Variants in TRDN observed in about 807,000 individuals in gnomAD.
TRDN encodes triadin, also known as triadin in skeletal muscle.
A neutral mutation model predicts 149.7 loss-of-function variants in TRDN; 161 were observed. The observed-to-expected ratio is 1.08, with a 90% CI of 0.95 to 1.23. The LOEUF is 1.23. Among genes scored for constraint, TRDN ranks in the 50% most tolerant of loss-of-function variants. The pLI is 0.00. For synonymous variants in TRDN, 294 were observed against 250.5 expected (o/e 1.17, Z -1.64); for missense variants, 896 against 823.5 (o/e 1.09, Z -1.08).
chr6:123,342,029 A>G (rs1014481573), intron 21 of TRDN, among the ~76,000 whole-genome samples: 1 of 151,932 alleles, frequency 6.6e-6, no homozygotes, highest in Admixed American at 6.6e-5. Flanking sequence ...TTCTGGTTCA[A>G]TTTCATAATT....
intron 21 of TRDN, among the ~76,000 whole-genome samples, chr6:123,341,447 A>G (rs961912194): frequency 6.6e-6 from 1 of 151,892 alleles, no homozygotes; most frequent in African/African-American, 2.4e-5. Context: ...AATTATATCT[A>G]TGCATTGCTA....
chr6:123,333,783 A>G (rs1475411426), intron 22 of TRDN, among the ~76,000 whole-genome samples: 2 of 152,094 alleles, frequency 1.3e-5, no homozygotes, highest in Non-Finnish European at 2.9e-5. Context: ...TTTTCAGCTT[A>G]TCTATCTTGT....
chr6:123,473,960 G>C (rs570360071), intron 9 of TRDN, among the ~76,000 whole-genome samples: 1 of 152,118 alleles, frequency 6.6e-6, no homozygotes, highest in Non-Finnish European at 1.5e-5. Context: ...AATATGGAAA[G>C]GAACAACCAG....
chr6:123,227,696 C>T (rs1401940639), intron 38 of TRDN, among the ~76,000 whole-genome samples: 1 of 151,846 alleles, frequency 6.6e-6, no homozygotes, highest in Non-Finnish European at 1.5e-5. Context: ...TGATCCTGAA[C>T]AACAACCATA....
intron 22 of TRDN, among the ~76,000 whole-genome samples, chr6:123,332,494 T>G (rs1327578614): frequency 1.3e-5 from 2 of 152,010 alleles, no homozygotes; most frequent in African/African-American, 2.4e-5. Context: ...TTGAAGTAAC[T>G]CAAATAAAAC....
chr6:123,274,586 A>G, intron 27 of TRDN, 55 bp downstream of exon 27: 2 of 1,502,758 alleles, frequency 1.3e-6, no homozygotes, highest in Non-Finnish European at 1.8e-6. Context: ...TTTAGTACTT[A>G]ATAAAATAAA....
chr6:123,319,887 A>C (rs9401654), intron 23 of TRDN, among the ~76,000 whole-genome samples: 1 of 151,898 alleles, frequency 6.6e-6, no homozygotes, highest in East Asian at 1.9e-4. Flanking sequence ...GAGCTTCATT[A>C]GTGATTTTTC....
At chr6:123,383,469 G>T (rs1781794612) in intron 14 of TRDN, among the ~76,000 whole-genome samples, 1 of 151,908 alleles carries the variant, frequency 6.6e-6, no homozygotes, top group Admixed American at 6.6e-5. Context: ...TAAATATTTA[G>T]GGAAATGCTT....
chr6:123,357,554 G>A (rs1780731295), intron 20 of TRDN, among the ~76,000 whole-genome samples: 1 of 152,098 alleles, frequency 6.6e-6, no homozygotes. Flanking sequence ...TACGCTATAA[G>A]AGGCTAGTAA....
At chr6:123,222,956 ACACCAGTAAG>A (rs1421723738) in intron 39 of TRDN, among the ~76,000 whole-genome samples, 1 of 151,922 alleles carries the variant, frequency 6.6e-6, no homozygotes, top group Non-Finnish European at 1.5e-5. Context: ...ATAACATCTC[ACACCAGTAAG>A]CATGGCTATT....
At chr6:123,499,787 CT>C (rs1244089207) in intron 8 of TRDN, among the ~76,000 whole-genome samples, 4 of 137,756 alleles carry the variant, frequency 2.9e-5, no homozygotes, top group Admixed American at 7.6e-5. Context: ...CATATACAGA[CT>C]TTTTTTCCTT....
chr6:123,484,235 G>T (rs758973901), intron 9 of TRDN, among the ~76,000 whole-genome samples: 2 of 152,018 alleles, frequency 1.3e-5, no homozygotes, highest in Non-Finnish European at 2.9e-5. Flanking sequence ...TTAGGTATGG[G>T]CATATTTATT....
At chr6:123,284,178 T>G (rs1329228820) in intron 24 of TRDN, among the ~76,000 whole-genome samples, 3 of 146,904 alleles carry the variant, frequency 2.0e-5, no homozygotes, top group African/African-American at 2.5e-5. Flanking sequence ...AAGCCAGCAT[T>G]ACCCTAATAC....
chr6:123,351,847 A>G (rs1458450280), intron 21 of TRDN: 2 of 982,600 alleles, frequency 2.0e-6, no homozygotes, highest in Non-Finnish European at 2.4e-6. Context: ...AACGACAATT[A>G]AAATTATTAG....
chr6:123,573,273 A>C (rs913066619), intron 1 of TRDN, among the ~76,000 whole-genome samples: 1 of 152,092 alleles, frequency 6.6e-6, no homozygotes, highest in African/African-American at 2.4e-5. Flanking sequence ...CAGGTGTGTG[A>C]TGGTGGAGAA....
chr6:123,438,905 T>G (rs144563551), intron 11 of TRDN, 39 bp downstream of exon 11: 4 of 1,471,236 alleles, frequency 2.7e-6, no homozygotes, highest in Non-Finnish European at 3.7e-6. Context: ...GCATGGACAC[T>G]AATTGATTTA....
chr6:123,619,903 T>C (rs1785291843), intron 1 of TRDN, among the ~76,000 whole-genome samples: 1 of 152,104 alleles, frequency 6.6e-6, no homozygotes, highest in Non-Finnish European at 1.5e-5. Flanking sequence ...TAGCTGATTA[T>C]GGGGAAAATT....
intron 9 of TRDN, among the ~76,000 whole-genome samples, chr6:123,481,982 C>T (rs1777770699): frequency 6.6e-6 from 1 of 152,146 alleles, no homozygotes; most frequent in Non-Finnish European, 1.5e-5. Flanking sequence ...CTCTGTTAAA[C>T]TATTTCCATA....
At chr6:123,362,455 TAATTCCTAC>T (rs1367076107) in intron 20 of TRDN, among the ~76,000 whole-genome samples, 2 of 152,196 alleles carry the variant, frequency 1.3e-5, no homozygotes, top group Non-Finnish European at 1.5e-5. Flanking sequence ...CAGTTTATAT[TAATTCCTAC>T]AATGGTCTTG....
Sources: gnomAD v4.1 joint callset for allele counts (sites outside exome capture counted in the v4.1 genomes callset) on GRCh38, gnomAD v4.1.1 for gene constraint, MANE v1.5 for transcripts, NCBI Gene and HGNC (gene_info 2026-07-23, HGNC 2026-07-21) for gene names.